The following OR52I2 variants were observed in gnomAD, a reference collection of about 807,000 sequenced individuals.
The protein encoded by OR52I2 is olfactory receptor family 52 subfamily I member 2, also known as olfactory receptor 52I2.
For missense variants in OR52I2, 350 were observed against 402.4 expected (o/e 0.87, Z 1.11); for synonymous variants, 147 against 151.9 (o/e 0.97, Z 0.24).
At chr11:4,583,461 G>T (rs1308801409) in intron 1 of OR52I2, among the ~76,000 whole-genome samples, 1 of 152,148 alleles carries the variant, frequency 6.6e-6, no homozygotes, top group African/African-American at 2.4e-5. Context: ...GGATCCTCAA[G>T]CTTTCTGCAG....
exon 2 of OR52I2, chr11:4,588,785 A>G (rs1470251907): frequency 6.6e-6 from 1 of 152,192 alleles, no homozygotes; most frequent in Non-Finnish European, 1.5e-5. Context: ...GAAGTGAAAT[A>G]CGGTTATTAG....
At chr11:4,588,816 G>C (rs947649595) in exon 2 of OR52I2, 4 of 152,172 alleles carry the variant, frequency 2.6e-5, no homozygotes, top group African/African-American at 9.7e-5. Flanking sequence ...TTGACTTTCT[G>C]GCTTACTTGC....
exon 2 of OR52I2, chr11:4,588,123 C>T: frequency 2.1e-6 from 1 of 473,628 alleles, no homozygotes; most frequent in Non-Finnish European, 3.8e-6. Flanking sequence ...TGTTTCCCTG[C>T]TCTTTAGGAA....
At position 4,584,180 on chromosome 11, in the gene OR52I2, G is replaced by A. The variant is rs79346554; in HGVS notation, c.-20+2316G>A. Among the ~76,000 whole-genome samples the A allele has an allele frequency of 6.1e-3, 932 of 152,290 alleles. 11 individuals are homozygous for A. The highest frequency in any genetic ancestry group is 0.021 in the African/African-American group (866 of 41,566). ...AATAGACAAAGCAAGCTAGTCTTGA[G>A]GCTTGGCAAATAAGCACACATCATT... On this transcript the variant is annotated intron_variant, in intron 1 of 1. Coordinates refer to ENST00000641896, the Ensembl canonical transcript of OR52I2.
chr11:4,588,719 A>C (rs984569881), exon 2 of OR52I2: 1 of 152,216 alleles, frequency 6.6e-6, no homozygotes, highest in African/African-American at 2.4e-5. Flanking sequence ...AGGAAATGTG[A>C]ACTCGACTTT....
chr11:4,591,981 T>C (rs1223151136), exon 2 of OR52I2: 1 of 152,192 alleles, frequency 6.6e-6, no homozygotes, highest in Non-Finnish European at 1.5e-5. Context: ...GGGTGAGACA[T>C]CTTCAGTGGC....
intron 1 of OR52I2, 115 bp downstream of exon 1, chr11:4,581,979 C>T (rs1428619700): frequency 2.0e-5 from 3 of 152,210 alleles, no homozygotes; most frequent in Non-Finnish European, 4.4e-5. Context: ...CCTCATGCCT[C>T]CCATATAGGG....
At chr11:4,587,967 G>T in exon 2 of OR52I2, 2 of 934,088 alleles carry the variant, frequency 2.1e-6, no homozygotes, top group Non-Finnish European at 3.3e-6. Flanking sequence ...AAGGTGTAAA[G>T]GATATCCTTG....
At chr11:4,585,932 T>C (rs1183516475) in intron 1 of OR52I2, among the ~76,000 whole-genome samples, 2 of 152,220 alleles carry the variant, frequency 1.3e-5, no homozygotes, top group Non-Finnish European at 2.9e-5. Flanking sequence ...ACTATGTTCA[T>C]AATAAAGTGC....
rs1239567425 is a variant in OR52I2 at position 4,587,047 on chromosome 11, A to G, written c.157A>G (p.Ile53Val). Residue 53 changes from isoleucine (I) to valine (V), a missense_variant, in exon 2 of 2, where the codon ATC becomes GTC. Transcript: ENST00000641896. ...AGGAAACACCATCATCGTGACTGCA[A>G]TCTGGATGGATTCCACTCGGCATGA... The G allele has an allele frequency of 5.0e-6, 8 of 1,614,092 alleles. No homozygotes were observed. The highest frequency in any genetic ancestry group is 5.9e-6 in the Non-Finnish European group (7 of 1,179,998).
chr11:4,584,794 T>C (rs1023003768), intron 1 of OR52I2, among the ~76,000 whole-genome samples: 1 of 152,166 alleles, frequency 6.6e-6, no homozygotes, highest in Non-Finnish European at 1.5e-5. Context: ...TCTTCAGTGG[T>C]AGATTATGGG....
chr11:4,591,811 T>C (rs992909110), exon 2 of OR52I2: 2 of 152,146 alleles, frequency 1.3e-5, no homozygotes, highest in Admixed American at 1.3e-4. Context: ...AGATGGGTTG[T>C]AGGAAAAACT....
intron 1 of OR52I2, among the ~76,000 whole-genome samples, chr11:4,582,434 A>ATTTTTTTTTTTTTTTTTTTTTTT (rs386372959): frequency 2.1e-5 from 2 of 96,482 alleles, no homozygotes; most frequent in African/African-American, 4.3e-5. Flanking sequence ...TTTATTTTTC[A>ATTTTTTTTTTTTTTTTTTTTTTT]TTTTTTTTTT....
chr11:4,583,462 C>G (rs1424194900), intron 1 of OR52I2, among the ~76,000 whole-genome samples: 1 of 152,176 alleles, frequency 6.6e-6, no homozygotes, highest in Non-Finnish European at 1.5e-5. Context: ...GATCCTCAAG[C>G]TTTCTGCAGC....
chr11:4,585,112 A>G (rs1325513327), intron 1 of OR52I2, among the ~76,000 whole-genome samples: 1 of 152,172 alleles, frequency 6.6e-6, no homozygotes, highest in African/African-American at 2.4e-5. Context: ...TAATTTGACT[A>G]AGGCAAAGCG....
At chr11:4,586,835 A>C in intron 1 of OR52I2, 37 bp from the exon 2 acceptor site, 1 of 1,613,828 alleles carries the variant, frequency 6.2e-7, no homozygotes, top group Non-Finnish European at 8.5e-7. Flanking sequence ...ATCTTACGGG[A>C]TTGCATTCTT....
exon 2 of OR52I2, chr11:4,586,937 T>C (rs771376286): frequency 6.2e-7 from 1 of 1,614,144 alleles, no homozygotes; most frequent in South Asian, 1.1e-5. Flanking sequence ...CCTGCCTCCT[T>C]CCTCCTTGTG....
exon 2 of OR52I2, chr11:4,590,014 G>C (rs1042935111): frequency 6.6e-6 from 1 of 152,148 alleles, no homozygotes; most frequent in African/African-American, 2.4e-5. Context: ...CCACAGTATT[G>C]AAGGCAAAGG....
intron 1 of OR52I2, among the ~76,000 whole-genome samples, chr11:4,582,435 T>C (rs1489920805): frequency 0.11 from 768 of 7,132 alleles, 10 homozygotes; most frequent in African/African-American, 0.22. Context: ...TTATTTTTCA[T>C]TTTTTTTTTT....
Sources: allele counts gnomAD v4.1 joint callset (sites outside exome capture counted in the v4.1 genomes callset), GRCh38; gene constraint gnomAD v4.1.1; transcripts MANE v1.5; gene names NCBI Gene and HGNC (gene_info 2026-07-23, HGNC 2026-07-21).